The following FBXW4 variants were observed in gnomAD, a reference collection of about 807,000 sequenced individuals.
FBXW4 encodes the protein F-box/WD repeat-containing protein 4.
A neutral mutation model predicts 61.8 loss-of-function variants in FBXW4; 40 were observed. The observed-to-expected ratio is 0.65, with a 90% confidence interval of 0.50 to 0.84. The LOEUF (loss-of-function observed/expected upper bound fraction) is 0.84. FBXW4 is among the 40% of genes least tolerant of loss of function. The pLI is 0.00. For synonymous variants in FBXW4, 311 were observed against 313.8 expected (o/e 0.99, Z 0.10); for missense variants, 672 against 753.8 (o/e 0.89, Z 1.27).
In FBXW4 at chr10:101,624,746, T is replaced by C; in HGVS notation, c.1300A>G (p.Ser434Gly). Residue 434 changes from serine to glycine, a missense_variant and splice_region_variant, in exon 6 of 9, where the codon AGT (serine) becomes GGT (glycine). Ser to Gly is a moderately conservative substitution (Grantham distance 56). Around this residue, in one of 5 missense-constraint regions of FBXW4, gnomAD observed 312 missense variants for 370.1 expected, o/e 0.84. Coordinates refer to ENST00000331272, the MANE Select transcript of FBXW4 (RefSeq NM_022039.4). ...FSPLRIWDLN[S>G]GQLMTHLGSD... ...AGCATGGGCTCATGAATCTCTTACC[T>C]GTTGAGGTCCCAGATTCTCAGGGGT... The C allele has an allele frequency of 1.2e-6, 2 of 1,614,164 alleles. No homozygotes were observed. The highest frequency in any genetic ancestry group is 1.7e-6 in the Non-Finnish European group (2 of 1,180,010).
At chr10:101,614,527 G>T (rs910424183) in intron 6 of FBXW4, among the ~76,000 whole-genome samples, 4 of 152,142 alleles carry the variant, frequency 2.6e-5, no homozygotes, top group African/African-American at 9.7e-5. Context: ...CCCTGCCCTC[G>T]GGGGGAGAGC....
chr10:101,688,238 G>A (rs1216091785), intron 1 of FBXW4, among the ~76,000 whole-genome samples: 1 of 152,196 alleles, frequency 6.6e-6, no homozygotes, highest in Non-Finnish European at 1.5e-5. Flanking sequence ...GTCTGCTCTT[G>A]TCATTTAGTG....
chr10:101,611,911 A>G lies in FBXW4; in HGVS notation c.1443-142T>C. 9.4e-7 allele frequency: 1 copy of G among 1,065,988 alleles called. No individual in the cohort carries two copies. Among genetic ancestry groups the G allele is most frequent in the Non-Finnish European group, 1.3e-6 (1 of 762,878 alleles). The allele number at this position is 1,065,988 out of a possible 1,614,324, so 66.0% of individuals were successfully genotyped here. On this transcript the variant is annotated intron_variant, in intron 7 of 8. Coordinates refer to ENST00000331272, the MANE Select transcript of FBXW4 (RefSeq NM_022039.4). The surrounding 1 kb of genome is among the most constrained non-coding windows in gnomAD (Gnocchi z 4.9). The stretch of plus-strand genomic sequence containing the variant: ...GAAAGAAGCCTAAATCATCAGATTC[A>G]TCAAAAACCGAACTTCATGGGAGAA...
intron 6 of FBXW4, among the ~76,000 whole-genome samples, chr10:101,614,484 C>A (rs2063811607): frequency 6.6e-6 from 1 of 152,144 alleles, no homozygotes; most frequent in Admixed American, 6.5e-5. Flanking sequence ...CCGTAAGTAT[C>A]TGCAGTCAGA....
intron 5 of FBXW4, among the ~76,000 whole-genome samples, chr10:101,662,753 A>C (rs564437950): frequency 6.6e-6 from 1 of 152,258 alleles, no homozygotes; most frequent in Non-Finnish European, 1.5e-5. Context: ...TTCCCCTCCC[A>C]GGCAAACAGG....
chr10:101,647,801 C>G (rs763337447), intron 5 of FBXW4, among the ~76,000 whole-genome samples: 5 of 152,202 alleles, frequency 3.3e-5, no homozygotes. Flanking sequence ...TTCAGGCTTT[C>G]ATTTCTCCAC....
At chr10:101,677,597 G>A (rs1241879525) in intron 1 of FBXW4, among the ~76,000 whole-genome samples, 2 of 152,084 alleles carry the variant, frequency 1.3e-5, no homozygotes, top group Non-Finnish European at 2.9e-5. Context: ...GGGGGTTTGG[G>A]TTATACAAGT....
chr10:101,634,769 A>T lies in FBXW4; in HGVS notation c.1236-9959T>A, dbSNP rs184811499. Among the ~76,000 whole-genome samples the T allele has an allele frequency of 1.7e-4, 26 of 149,438 alleles. 1 individual carries two copies. Among genetic ancestry groups the T allele is most frequent in the African/African-American group, 4.5e-4 (18 of 40,016 alleles). On this transcript the variant is annotated intron_variant, in intron 5 of 8. Coordinates refer to ENST00000331272, the MANE Select transcript of FBXW4 (RefSeq NM_022039.4). ...AAGGAGATAAACATTTTTAAACTGT[A>T]TGAAAACCCATAAAGGTCTAAGAAA...
At chr10:101,640,989 C>T (rs553031015) in intron 5 of FBXW4, among the ~76,000 whole-genome samples, 3 of 152,130 alleles carry the variant, frequency 2.0e-5, no homozygotes, top group African/African-American at 7.2e-5. Context: ...CGCCACCACA[C>T]CCAGCTAATT....
chr10:101,658,418 G>A (rs1488003198), intron 5 of FBXW4, among the ~76,000 whole-genome samples: 6 of 152,202 alleles, frequency 3.9e-5, no homozygotes, highest in South Asian at 4.2e-4. Flanking sequence ...GGTGGCATGC[G>A]CCTGTAATCC....
At chr10:101,688,564 T>C (rs1426206918) in intron 1 of FBXW4, among the ~76,000 whole-genome samples, 1 of 152,224 alleles carries the variant, frequency 6.6e-6, no homozygotes, top group African/African-American at 2.4e-5. Flanking sequence ...TAGAGAAAGC[T>C]CAAATATTTA....
At chr10:101,615,013 GCTGT>G (rs1054747177) in intron 6 of FBXW4, among the ~76,000 whole-genome samples, 70 of 152,122 alleles carry the variant, frequency 4.6e-4, no homozygotes, top group Non-Finnish European at 1.8e-4. Context: ...GACAAAACAA[GCTGT>G]CTGTCTCCTC....
At chr10:101,638,333 G>A (rs1185206176) in intron 5 of FBXW4, among the ~76,000 whole-genome samples, 2 of 152,154 alleles carry the variant, frequency 1.3e-5, no homozygotes, top group Non-Finnish European at 2.9e-5. Context: ...CTCGTAGGGA[G>A]ATGAGAAATT....
chr10:101,651,273 TACTCGCCTAC>T (rs1050538268), intron 5 of FBXW4, among the ~76,000 whole-genome samples: 8 of 152,110 alleles, frequency 5.3e-5, no homozygotes, highest in African/African-American at 1.9e-4. Context: ...GGGGACTAAT[TACTCGCCTAC>T]ACTCTGGAGC....
At position 101,694,546 on chromosome 10, in the gene FBXW4, G is replaced by A. The variant is rs1326064188; in HGVS notation, c.560C>T (p.Pro187Leu). The A allele has an allele frequency of 2.0e-6, 3 of 1,491,372 alleles. No homozygotes were observed. The highest frequency in any genetic ancestry group is 1.8e-6 in the Non-Finnish European group (2 of 1,128,486). The allele number at this position is 1,491,372 out of a possible 1,614,324, so 92.4% of individuals were successfully genotyped here. Residue 187 changes from proline (P) to leucine (L), a missense_variant, in exon 1 of 9, where the codon CCG becomes CTG. By Grantham distance (98) the Pro-to-Leu change is moderately conservative. This residue lies in a region of FBXW4 where 311 missense variants were observed against 301.1 expected (regional missense o/e 1.03). Transcript: ENST00000331272. This position sits in a 1 kb window ranked among gnomAD's most constrained non-coding sequence, Gnocchi z 6.0. Reference sequence around the variant, plus strand: ...GCAGATGAGCAGCAGCAGCTCCTCCGGCAGGCGCCAGAGCGCAGGCCCCGC... The same window carrying A: ...GCAGATGAGCAGCAGCAGCTCCTCCAGCAGGCGCCAGAGCGCAGGCCCCGC... ...PAAGPALWRL[P>L]EELLLLICSY...
chr10:101,640,489 T>C (rs1020625473), intron 5 of FBXW4, among the ~76,000 whole-genome samples: 1 of 85,514 alleles, frequency 1.2e-5, no homozygotes, highest in Non-Finnish European at 2.8e-5. Flanking sequence ...TTTCTCTTTT[T>C]TTTTTTTTTT....
intron 5 of FBXW4, chr10:101,659,350 G>A: frequency 1.0e-6 from 1 of 980,782 alleles, no homozygotes; most frequent in South Asian, 4.7e-5. Context: ...GTGGCTTAGT[G>A]GAGGAAGGAG....
chr10:101,631,473 G>C (rs1032283741), intron 5 of FBXW4, among the ~76,000 whole-genome samples: 1 of 152,156 alleles, frequency 6.6e-6, no homozygotes, highest in African/African-American at 2.4e-5. Flanking sequence ...CCTATGCAGA[G>C]AAAAGGAAAG....
intron 6 of FBXW4, among the ~76,000 whole-genome samples, chr10:101,622,092 T>C (rs2063870945): frequency 6.6e-6 from 1 of 151,772 alleles, no homozygotes; most frequent in African/African-American, 2.4e-5. Context: ...CCATGATTCA[T>C]TGATTAAAAC....
Sources: gnomAD v4.1 joint callset for allele counts (sites outside exome capture counted in the v4.1 genomes callset) on GRCh38, gnomAD v4.1.1 for gene constraint, gnomAD v4.1.1 regional missense constraint, Gnocchi (gnomAD v3.1) non-coding constraint, MANE v1.5 for transcripts, NCBI Gene and HGNC (gene_info 2026-07-23, HGNC 2026-07-21) for gene names.